Variants in RABGAP1L observed in about 807,000 individuals in gnomAD.
The protein encoded by RABGAP1L is rab GTPase-activating protein 1-like.
RABGAP1L carries 63 observed loss-of-function variants against 137.7 expected under a neutral mutation model. The observed-to-expected ratio is 0.46, with a 90% CI of 0.37 to 0.56. The LOEUF (loss-of-function observed/expected upper bound fraction) is 0.56, where lower values mean the gene tolerates loss of function less well. Among genes scored for constraint, RABGAP1L ranks in the 20% least tolerant of loss-of-function variants. The pLI is 0.00. For synonymous variants in RABGAP1L, 431 were observed against 433.7 expected, an observed-to-expected ratio of 0.99 and a Z score of 0.08; for missense variants, 1,095 against 1,244.0, an observed-to-expected ratio of 0.88 and a Z score of 1.80.
intron 19 of RABGAP1L, among the ~76,000 whole-genome samples, chr1:174,901,880 T>C (rs1658191115): frequency 6.6e-6 from 1 of 152,170 alleles, no homozygotes. Flanking sequence ...TTTGTTGATA[T>C]TGTTGTAGTT....
intron 13 of RABGAP1L, among the ~76,000 whole-genome samples, chr1:174,406,355 T>G (rs929281154): frequency 9.2e-5 from 14 of 152,226 alleles, no homozygotes; most frequent in Non-Finnish European, 1.5e-4. Context: ...TCAAATGTGT[T>G]TAATAGTTTT....
In RABGAP1L at chr1:174,828,973, A is replaced by G. The variant is rs527294803; in HGVS notation, c.2340+17013A>G. The stretch of plus-strand genomic sequence containing the variant: ...AAATGGAGATCCTATTTTCTATGAA[A>G]TAGGATTGCTATCAAGATTATAAAT... On this transcript the variant is annotated intron_variant, in intron 19 of 25. Coordinates refer to ENST00000681986, the MANE Select transcript of RABGAP1L (RefSeq NM_001366446.1). Among the ~76,000 whole-genome samples, 3 of 148,308 alleles carry G rather than the reference A, an allele frequency of 2.0e-5. 1 individual carries two copies. Among genetic ancestry groups the G allele is most frequent in the South Asian group, 4.5e-4 (2 of 4,492 alleles).
At chr1:174,245,107 T>C (rs1672148301) in intron 5 of RABGAP1L, 1 of 152,268 alleles carries the variant, frequency 6.6e-6, no homozygotes, top group Non-Finnish European at 1.5e-5. Context: ...AGTTTCACTC[T>C]TGTTGTCAAG....
At chr1:174,599,951 G>T (rs1572459267) in intron 13 of RABGAP1L, among the ~76,000 whole-genome samples, 1 of 151,930 alleles carries the variant, frequency 6.6e-6, no homozygotes, top group Non-Finnish European at 1.5e-5. Context: ...TCCTCTTTAA[G>T]GCCCCATGTA....
chr1:174,226,649 T>G (rs561165849), intron 3 of RABGAP1L, among the ~76,000 whole-genome samples: 2 of 152,224 alleles, frequency 1.3e-5, no homozygotes, highest in Non-Finnish European at 2.9e-5. Flanking sequence ...ATTTTAGCCT[T>G]GTGAAATATC....
intron 20 of RABGAP1L, among the ~76,000 whole-genome samples, chr1:174,961,214 G>A (rs1198015767): frequency 6.6e-6 from 1 of 152,118 alleles, no homozygotes. Context: ...TTCTAATGAA[G>A]TGAAATTAGG....
intron 19 of RABGAP1L, among the ~76,000 whole-genome samples, chr1:174,827,712 A>C (rs1403704309): frequency 6.8e-6 from 1 of 147,648 alleles, no homozygotes; most frequent in African/African-American, 2.5e-5. Flanking sequence ...CACTTCTATC[A>C]GCCCACTTGG....
intron 13 of RABGAP1L, among the ~76,000 whole-genome samples, chr1:174,541,962 A>G (rs913193336): frequency 2.0e-5 from 3 of 152,214 alleles, no homozygotes; most frequent in Non-Finnish European, 2.9e-5. Flanking sequence ...CGTGGTGGAT[A>G]AGCTTTTTGA....
At chr1:174,350,579 C>T (rs1271022940) in intron 11 of RABGAP1L, among the ~76,000 whole-genome samples, 21 of 117,892 alleles carry the variant, frequency 1.8e-4, no homozygotes, top group Non-Finnish European at 2.3e-4. Flanking sequence ...GGATGGCGGC[C>T]GGGCAGAGAC....
At chr1:174,468,949 C>T (rs1657605512) in intron 13 of RABGAP1L, among the ~76,000 whole-genome samples, 1 of 152,192 alleles carries the variant, frequency 6.6e-6, no homozygotes, top group African/African-American at 2.4e-5. Flanking sequence ...CACTGCTAAT[C>T]ATTTCAGAGT....
chr1:174,284,734 C>CTTTTTTTTTTTTTTTTTTT (rs59344382), intron 10 of RABGAP1L, among the ~76,000 whole-genome samples: 1 of 42,620 alleles, frequency 2.3e-5, no homozygotes, highest in African/African-American at 9.8e-5. Flanking sequence ...TATTTCTTGT[C>CTTTTTTTTTTTTTTTTTTT]TTTTTTTTTT....
At chr1:174,618,469 A>G (rs535853806) in intron 13 of RABGAP1L, among the ~76,000 whole-genome samples, 2 of 152,316 alleles carry the variant, frequency 1.3e-5, no homozygotes, top group South Asian at 4.1e-4. Context: ...TCAGGCAGCA[A>G]CATTTGCTGT....
At chr1:174,495,159 T>G (rs1047544175) in intron 13 of RABGAP1L, among the ~76,000 whole-genome samples, 1 of 152,150 alleles carries the variant, frequency 6.6e-6, no homozygotes, top group African/African-American at 2.4e-5. Context: ...ATAAGTGGTG[T>G]GTCTGATGGA....
chr1:174,411,627 T>G (rs1649938540), intron 13 of RABGAP1L, among the ~76,000 whole-genome samples: 1 of 152,116 alleles, frequency 6.6e-6, no homozygotes. Context: ...GATATTGGGC[T>G]AAGTTTTCTG....
At chr1:174,678,074 T>C (rs1328435097) in intron 14 of RABGAP1L, among the ~76,000 whole-genome samples, 3 of 152,064 alleles carry the variant, frequency 2.0e-5, no homozygotes, top group African/African-American at 7.2e-5. Context: ...GGATAAATCA[T>C]ATACAGATAT....
At chr1:174,403,247 GTATA>G (rs144746133) in intron 13 of RABGAP1L, among the ~76,000 whole-genome samples, 17,735 of 129,220 alleles carry the variant, frequency 0.14, 1,289 homozygotes, top group African/African-American at 0.19. Context: ...GTGTGTGTGT[GTATA>G]TATATGTGTA....
chr1:174,847,462 T>G (rs951810863), intron 19 of RABGAP1L, among the ~76,000 whole-genome samples: 8 of 150,616 alleles, frequency 5.3e-5, no homozygotes, highest in East Asian at 4.0e-4. Flanking sequence ...GTCTGTAAAG[T>G]ATTTTATTTC....
intron 15 of RABGAP1L, among the ~76,000 whole-genome samples, chr1:174,690,623 A>G (rs1402758454): frequency 6.6e-6 from 1 of 152,130 alleles, no homozygotes; most frequent in African/African-American, 2.4e-5. Flanking sequence ...ATTTGAATGG[A>G]TTACACATAG....
In RABGAP1L at chr1:174,381,268, G is replaced by C. The variant is rs1263986131; in HGVS notation, c.1559+10196G>C. 3.0e-3 allele frequency among the ~76,000 whole-genome samples: 435 copies of C among 145,680 alleles called. 2 individuals are homozygous for C. The highest frequency in any genetic ancestry group is 0.011 in the African/African-American group (416 of 38,064). On this transcript the variant is annotated intron_variant, in intron 12 of 25. Transcript: ENST00000681986. ...TGCTGAAAAAAATGTATATTCTGTT[G>C]ATTTGGGGTGGAGAGTTCTGTAGAT...
Sources: allele counts gnomAD v4.1 joint callset (sites outside exome capture counted in the v4.1 genomes callset), GRCh38; gene constraint gnomAD v4.1.1; transcripts MANE v1.5; gene names NCBI Gene and HGNC (gene_info 2026-07-23, HGNC 2026-07-21).